Variants in SCAF8 observed in about 807,000 individuals in gnomAD.
SCAF8 encodes SR-related and CTD-associated factor 8.
Under a neutral mutation model 140.5 loss-of-function variants are expected in SCAF8, and 23 were observed. The observed-to-expected ratio is 0.16, with a 90% CI of 0.12 to 0.23. The LOEUF (loss-of-function observed/expected upper bound fraction) is 0.23. SCAF8 is among the 10% of genes least tolerant of loss of function. The pLI is 1.00. For synonymous variants in SCAF8, 575 were observed against 528.9 expected (o/e 1.09, Z -1.20); for missense variants, 1,397 against 1,555.7 (o/e 0.90, Z 1.72).
chr6:154,743,108 C>G (rs1447146053), intron 1 of SCAF8, among the ~76,000 whole-genome samples: 1 of 152,144 alleles, frequency 6.6e-6, no homozygotes, highest in Non-Finnish European at 1.5e-5. Flanking sequence ...GCAGGCATTA[C>G]TGACTCCAGC....
intron 3 of SCAF8, among the ~76,000 whole-genome samples, chr6:154,780,079 A>G (rs1278448062): frequency 1.3e-5 from 2 of 152,080 alleles, no homozygotes; most frequent in Non-Finnish European, 2.9e-5. Context: ...TATAAACATC[A>G]CCATAGTCAA....
intron 2 of SCAF8, among the ~76,000 whole-genome samples, chr6:154,777,253 T>G (rs1363222546): frequency 2.6e-5 from 4 of 152,152 alleles, no homozygotes; most frequent in African/African-American, 9.6e-5. Context: ...TACGCCAATA[T>G]GGTATTGTTA....
Position 154,771,864 on chromosome 6 carries a change from C to T in SCAF8, c.31-2125C>T, listed in dbSNP as rs1776777631. Reference sequence around the variant, plus strand: ...CAGTGACAAACCTGCACATGTACCCCCGAATTCTAAAATAGAAGTTGGGGG... The same window carrying T: ...CAGTGACAAACCTGCACATGTACCCTCGAATTCTAAAATAGAAGTTGGGGG... On this transcript the variant is annotated intron_variant, in intron 1 of 19. Coordinates refer to ENST00000367178, the MANE Select transcript of SCAF8 (RefSeq NM_014892.5). Among the ~76,000 whole-genome samples the T allele has an allele frequency of 2.0e-5, 3 of 152,026 alleles. No homozygotes were observed. In the South Asian group the frequency reaches 6.2e-4, roughly 32 times the overall value.
At chr6:154,781,638 T>C (rs866393893) in intron 3 of SCAF8, among the ~76,000 whole-genome samples, 38 of 152,316 alleles carry the variant, frequency 2.5e-4, no homozygotes, top group Middle Eastern at 3.4e-3. Flanking sequence ...CCTTACTTTT[T>C]ATTTCTGAGT....
intron 2 of SCAF8, among the ~76,000 whole-genome samples, chr6:154,776,963 T>G (rs1404845026): frequency 6.6e-6 from 1 of 152,140 alleles, no homozygotes; most frequent in African/African-American, 2.4e-5. Flanking sequence ...GGTGGATCAC[T>G]TGAGGTCAAG....
intron 1 of SCAF8, among the ~76,000 whole-genome samples, chr6:154,748,994 T>C (rs969247420): frequency 9.2e-5 from 14 of 152,124 alleles, no homozygotes; most frequent in Non-Finnish European, 1.8e-4. Context: ...CAGGCTGGAG[T>C]GCAGTGGCGC....
chr6:154,774,212 A>T (rs1562439147), intron 2 of SCAF8, 140 bp downstream of exon 2: 1 of 627,928 alleles, frequency 1.6e-6, no homozygotes, highest in East Asian at 2.8e-5. Flanking sequence ...CACAAAAAAG[A>T]AAATCTGTCA....
At position 154,831,055 on chromosome 6, in the gene SCAF8, T is replaced by A. The variant is rs370872503; in HGVS notation, c.2274T>A (p.Asn758Lys). 1 of 1,614,082 alleles carries A rather than the reference T, an allele frequency of 6.2e-7. No individual in the cohort carries two copies. Among genetic ancestry groups the A allele is most frequent in the Non-Finnish European group, 8.5e-7 (1 of 1,179,960 alleles). ...TSALPAGNVF[N>K]APTKQAEPEE... The stretch of plus-strand genomic sequence containing the variant: ...CTCTGCCAGCTGGAAATGTTTTTAA[T>A]GCTCCAACTAAACAGGCAGAGCCTG... Residue 758 changes from asparagine (N) to lysine (K), a missense_variant, in exon 19 of 20, where the codon AAT (asparagine) becomes AAA (lysine). Around this residue, in one of 5 missense-constraint regions of SCAF8, gnomAD observed 930 missense variants for 874.6 expected, o/e 1.06. Coordinates refer to ENST00000367178, the MANE Select transcript of SCAF8 (RefSeq NM_014892.5).
intron 18 of SCAF8, among the ~76,000 whole-genome samples, 188 bp downstream of exon 18, chr6:154,827,428 T>C (rs1439441923): frequency 6.6e-6 from 1 of 152,216 alleles, no homozygotes; most frequent in African/African-American, 2.4e-5. Flanking sequence ...TCTTAAACTC[T>C]TATGATTGGT....
chr6:154,831,458 A>G (rs928214384), intron 19 of SCAF8, among the ~76,000 whole-genome samples: 3 of 152,116 alleles, frequency 2.0e-5, no homozygotes, highest in African/African-American at 7.2e-5. Context: ...ATAAAAATGA[A>G]CAAGTATTGG....
Position 154,733,481 on chromosome 6 carries a change from C to A in SCAF8, c.-420C>A. ...CTGTCTTCGCCGAGCGGGGCTGGTT[C>A]CTGCGGCCCGAGCGGCGGGGAGGTG... On this transcript the variant is annotated 5_prime_UTR_variant, in exon 1 of 20. Coordinates refer to ENST00000367178, the MANE Select transcript of SCAF8 (RefSeq NM_014892.5). 2 of 1,346,114 alleles carry A rather than the reference C, an allele frequency of 1.5e-6. No homozygotes were observed. Among genetic ancestry groups the A allele is most frequent in the South Asian group, 1.8e-5 (1 of 54,940 alleles). The allele number at this position is 1,346,114 out of a possible 1,614,324, so 83.4% of individuals were successfully genotyped here. A position where few individuals can be genotyped will look rare whatever the true frequency, so the allele number is the denominator to read the frequency against.
chr6:154,822,254 C>A, intron 15 of SCAF8, 22 bp from the exon 16 acceptor site: 1 of 1,585,618 alleles, frequency 6.3e-7, no homozygotes, highest in Non-Finnish European at 8.6e-7. Flanking sequence ...CAAAGGAAAT[C>A]AATTTCAACT....
rs564922442 is a variant in SCAF8 at position 154,746,669 on chromosome 6, A to C, written c.30+12739A>C. 8.5e-5 allele frequency among the ~76,000 whole-genome samples: 13 copies of C among 152,146 alleles called. No homozygotes were observed. In the East Asian group the frequency reaches 2.3e-3, roughly 27 times the overall value. On this transcript the variant is annotated intron_variant, in intron 1 of 19. Transcript: ENST00000367178. ...GCATATATCTGTAAACAAACCTATT[A>C]ATTAGAGTTTGTTTATAATTCATTT... is the stretch of plus-strand genomic sequence containing the variant.
In SCAF8 at chr6:154,831,835, T is replaced by A. The variant is rs1223861930; in HGVS notation, c.2360-104T>A. The A allele has an allele frequency of 2.2e-5, 19 of 873,018 alleles. No individual in the cohort carries two copies. The East Asian group carries it at 2.6e-4, about 12-fold the overall frequency. The allele number at this position is 873,018 out of a possible 1,614,324, so 54.1% of individuals were successfully genotyped here. A position where few individuals can be genotyped will look rare whatever the true frequency, so the allele number is the denominator to read the frequency against. ...ACTTAAAAAGATGTCATGTAGTAGC[T>A]AATGTACCTTGATTATTGGGGGATA... On this transcript the variant is annotated intron_variant, in intron 19 of 19. Coordinates refer to ENST00000367178, the MANE Select transcript of SCAF8 (RefSeq NM_014892.5).
rs1239710247 is a variant in SCAF8, at chr6:154,832,195, A to G, written c.2616A>G (p.Leu872=). The G allele has an allele frequency of 1.2e-6, 2 of 1,613,950 alleles. No individual in the cohort carries two copies. Among genetic ancestry groups the G allele is most frequent in the Non-Finnish European group, 8.5e-7 (1 of 1,179,998 alleles). The change falls in exon 20 of 20, where the codon CTA becomes CTG. Residue 872 remains leucine (L), a synonymous_variant. Transcript: ENST00000367178. ...ATAGTTCTGGACTTTTGGGAGTGCT[A>G]CCCCCAAATATACCTAACAATTCTG... ...VSNSSGLLGV[L]PPNIPNNSGL... is the part of the protein sequence containing the mutation.
rs554400368 is a variant in SCAF8 at position 154,761,837 on chromosome 6, A to G, written c.31-12152A>G. On this transcript the variant is annotated intron_variant, in intron 1 of 19. Coordinates refer to ENST00000367178, the MANE Select transcript of SCAF8 (RefSeq NM_014892.5). ...ACTATTTGTCGTATTATTTTAGAAC[A>G]TGCTTTTCTTAATATGGAATTTGCT... is the stretch of plus-strand genomic sequence containing the variant. Among the ~76,000 whole-genome samples the G allele has an allele frequency of 1.1e-3, 160 of 152,270 alleles. 1 individual carries two copies. Among genetic ancestry groups the G allele is most frequent in the African/African-American group, 3.4e-3 (141 of 41,582 alleles).
intron 5 of SCAF8, among the ~76,000 whole-genome samples, chr6:154,793,951 T>C (rs1777506526): frequency 6.6e-6 from 1 of 151,992 alleles, no homozygotes; most frequent in Non-Finnish European, 1.5e-5. Flanking sequence ...TTTTGAGACC[T>C]TGCTCTGTCA....
At chr6:154,742,145 T>A in intron 1 of SCAF8, 2 of 594,608 alleles carry the variant, frequency 3.4e-6, no homozygotes, top group Non-Finnish European at 5.9e-6. Context: ...TCACTTAGAA[T>A]AGATTGGTAG....
At chr6:154,733,386 C>A, upstream of SCAF8, 1 of 1,342,668 alleles carries the variant, frequency 7.4e-7, no homozygotes, top group Non-Finnish European at 9.6e-7. Context: ...CCGCGGATCC[C>A]CGAACTGCGC....
Sources: allele counts gnomAD v4.1 joint callset (sites outside exome capture counted in the v4.1 genomes callset), GRCh38; gene constraint gnomAD v4.1.1; regional missense constraint gnomAD v4.1.1; transcripts MANE v1.5; gene names NCBI Gene and HGNC (gene_info 2026-07-23, HGNC 2026-07-21).